GGA2: variants seen among roughly 807,000 people sequenced by gnomAD.
The protein encoded by GGA2 is ADP-ribosylation factor-binding protein GGA2.
In GGA2, 48 loss-of-function variants were observed where a neutral mutation model predicts 79.5. That is an observed-to-expected ratio of 0.60 (90% CI 0.48 to 0.77). The LOEUF (loss-of-function observed/expected upper bound fraction) is 0.77. Among genes scored for constraint, GGA2 ranks in the 30% least tolerant of loss-of-function variants. The probability of loss-of-function intolerance (pLI) is 0.00; values close to 1 mark genes in which losing one functional copy is unlikely to be tolerated. For missense variants in GGA2, 770 were observed against 774.0 expected, an observed-to-expected ratio of 0.99 and a Z score of 0.06; for synonymous variants, 317 against 302.0, an observed-to-expected ratio of 1.05 and a Z score of -0.51.
rs375940202 is a variant in GGA2, at chr16:23,493,349, C to T, written c.351+11G>A. ...GCGACACAGTCAGCAGAGCCAAGCC[C>T]AGGTACTCACCTTTGGGGACAACAC... On this transcript the variant is annotated intron_variant, in intron 4 of 16. Coordinates refer to ENST00000309859, the MANE Select transcript of GGA2 (RefSeq NM_015044.4). The T allele has an allele frequency of 3.9e-6, 6 of 1,519,428 alleles. No homozygotes were observed. The African/African-American group carries it at 5.5e-5, about 14-fold the overall frequency. The allele number at this position is 1,519,428 out of a possible 1,614,324, so 94.1% of individuals were successfully genotyped here.
chr16:23,498,664 C>G (rs899943497), intron 1 of GGA2, among the ~76,000 whole-genome samples: 2 of 152,146 alleles, frequency 1.3e-5, no homozygotes, highest in Non-Finnish European at 2.9e-5. Flanking sequence ...AGTACAGCAG[C>G]ATGCAGTAAG....
intron 8 of GGA2, among the ~76,000 whole-genome samples, chr16:23,485,248 G>C (rs1964697412): frequency 6.6e-6 from 1 of 152,322 alleles, no homozygotes; most frequent in East Asian, 1.9e-4. Flanking sequence ...TTTGGGAAAG[G>C]GGGAATGACT....
chr16:23,474,788 C>G (rs1964555692), intron 14 of GGA2, 116 bp downstream of exon 14: 1 of 794,716 alleles, frequency 1.3e-6, no homozygotes, highest in Admixed American at 2.0e-5. Flanking sequence ...CAAAATCTCT[C>G]CCATTTATCA....
intron 2 of GGA2, among the ~76,000 whole-genome samples, chr16:23,517,892 C>G (rs1046532732): frequency 6.6e-6 from 1 of 151,986 alleles, no homozygotes; most frequent in East Asian, 1.9e-4. Context: ...AGCCACCGCG[C>G]CTGGCCTATT....
chr16:23,489,441 A>AT (rs1157565935), intron 5 of GGA2, among the ~76,000 whole-genome samples: 1 of 152,024 alleles, frequency 6.6e-6, no homozygotes, highest in African/African-American at 2.4e-5. Context: ...GGGTCTCGCT[A>AT]TGTTGCCCAG....
rs1964436884 is a variant in GGA2, at chr16:23,466,340, T to A, written c.*1250A>T. On this transcript the variant is annotated 3_prime_UTR_variant, in exon 17 of 17. Transcript: ENST00000309859. ...AGCAGGACTTGTCAAACATACACAT[T>A]CAAGTTCCTAGCACACAGTAGGTGC... The A allele has an allele frequency of 1.3e-5, 2 of 152,164 alleles. No homozygotes were observed. Among genetic ancestry groups the A allele is most frequent in the Non-Finnish European group, 2.9e-5 (2 of 68,038 alleles). The allele number at this position is 152,164 out of a possible 1,614,324, so 9.4% of individuals were successfully genotyped here. A position where few individuals can be genotyped will look rare whatever the true frequency, so the allele number is the denominator to read the frequency against.
chr16:23,477,115 C>T (rs957623358), intron 13 of GGA2, among the ~76,000 whole-genome samples: 7 of 152,082 alleles, frequency 4.6e-5, no homozygotes, highest in Non-Finnish European at 1.0e-4. Flanking sequence ...CCACGCCTGG[C>T]TAATTTTAGT....
Position 23,467,422 on chromosome 16 carries a change from A to ACAC in GGA2, c.*165_*167dup, listed in dbSNP as rs1964453458. ...CACACACACACACACACACACACACACACACACACACAGAGCATCTGCAGA... is the reference window on the plus strand; with the variant it reads ...CACACACACACACACACACACACACACACCACACACACACAGAGCATCTGCAGA... On this transcript the variant is annotated 3_prime_UTR_variant, in exon 17 of 17. Coordinates refer to ENST00000309859, the MANE Select transcript of GGA2 (RefSeq NM_015044.4). 1.6e-6 allele frequency: 1 copy of ACAC among 610,748 alleles called. No homozygotes were observed. The highest frequency in any genetic ancestry group is 1.8e-5 in the African/African-American group (1 of 54,278). 37.8% of individuals were successfully genotyped at this position (610,748 alleles called of 1,614,324 possible). A position where few individuals can be genotyped will look rare whatever the true frequency, so the allele number is the denominator to read the frequency against.
intron 1 of GGA2, among the ~76,000 whole-genome samples, chr16:23,508,335 C>T (rs913603933): frequency 3.9e-5 from 6 of 152,098 alleles, no homozygotes; most frequent in African/African-American, 1.4e-4. Context: ...CAAAGTGCTG[C>T]GATTACAGGC....
chr16:23,472,526 T>C (rs1964524410), intron 14 of GGA2, among the ~76,000 whole-genome samples: 1 of 150,152 alleles, frequency 6.7e-6, no homozygotes, highest in Admixed American at 6.6e-5. Flanking sequence ...AGCAAACAGG[T>C]AGAAAGAAAT....
At chr16:23,479,312 TTC>T (rs1296432366) in intron 11 of GGA2, among the ~76,000 whole-genome samples, 2 of 147,598 alleles carry the variant, frequency 1.4e-5, no homozygotes, top group Non-Finnish European at 3.0e-5. Flanking sequence ...ACCCTGCTGA[TTC>T]TCTCAGCAGC....
At chr16:23,522,039 G>C, upstream of GGA2, 1 of 335,334 alleles carries the variant, frequency 3.0e-6, no homozygotes, top group Non-Finnish European at 5.9e-6. Flanking sequence ...AAAATTTACT[G>C]AGATGATGGA....
At chr16:23,513,604 T>C (rs1044626184), upstream of GGA2, among the ~76,000 whole-genome samples, 2 of 151,650 alleles carry the variant, frequency 1.3e-5, no homozygotes, top group Non-Finnish European at 2.9e-5. Flanking sequence ...GGCAACATGG[T>C]GAAACCGCGT....
chr16:23,490,258 A>G (rs1311344754), intron 5 of GGA2, among the ~76,000 whole-genome samples: 1 of 152,108 alleles, frequency 6.6e-6, no homozygotes, highest in African/African-American at 2.4e-5. Flanking sequence ...GCAACAACAA[A>G]TCTCACACCC....
intron 1 of GGA2, among the ~76,000 whole-genome samples, chr16:23,521,304 A>G (rs1965140158): frequency 6.6e-6 from 1 of 152,184 alleles, no homozygotes; most frequent in African/African-American, 2.4e-5. Flanking sequence ...CAAGTCTGAC[A>G]ACCACCATCT....
chr16:23,481,365 C>G (rs976286969), intron 9 of GGA2, among the ~76,000 whole-genome samples: 3 of 152,112 alleles, frequency 2.0e-5, no homozygotes, highest in Non-Finnish European at 2.9e-5. Flanking sequence ...AAGAGCGAAA[C>G]TCCATCTCAA....
At chr16:23,524,112 T>A, upstream of GGA2, 1 of 545,818 alleles carries the variant, frequency 1.8e-6, no homozygotes, top group Non-Finnish European at 3.3e-6. Flanking sequence ...ACCTCTGCTG[T>A]GTAATGTGTG....
At position 23,510,103 on chromosome 16, in the gene GGA2, G is replaced by A. The variant is rs1162844967; in HGVS notation, c.91+218C>T. Among the ~76,000 whole-genome samples the A allele has an allele frequency of 4.7e-5, 7 of 150,068 alleles. No individual in the cohort carries two copies. In the East Asian group the frequency reaches 8.0e-4, roughly 17 times the overall value. On this transcript the variant is annotated intron_variant, in intron 1 of 16. Transcript: ENST00000309859. ...AAGTTGGGGGGTGGGCGGAGGGGGA[G>A]GGGCAGAGCTCAGAAGGGGGCCGCT... is the stretch of plus-strand genomic sequence containing the variant.
At chr16:23,515,125 T>C (rs896247346), upstream of GGA2, among the ~76,000 whole-genome samples, 1 of 151,464 alleles carries the variant, frequency 6.6e-6, no homozygotes, top group African/African-American at 2.4e-5. Context: ...ATGGGGTTTT[T>C]TTTTTCCTTA....
Sources: allele counts gnomAD v4.1 joint callset (sites outside exome capture counted in the v4.1 genomes callset), GRCh38; gene constraint gnomAD v4.1.1; transcripts MANE v1.5; gene names NCBI Gene and HGNC (gene_info 2026-07-23, HGNC 2026-07-21).